Variants in ANKRD30B observed in about 807,000 individuals in gnomAD.
ANKRD30B encodes the protein ankyrin repeat domain-containing protein 30B.
A neutral mutation model predicts 202.2 loss-of-function variants in ANKRD30B; 144 were observed. That is an observed-to-expected ratio of 0.71 (90% confidence interval 0.62 to 0.82). ANKRD30B has a LOEUF of 0.82. ANKRD30B is among the 40% of genes least tolerant of loss of function. The probability of loss-of-function intolerance (pLI) is 0.00; values close to 1 mark genes in which losing one functional copy is unlikely to be tolerated. For missense variants in ANKRD30B, 1,487 were observed against 1,669.1 expected, an observed-to-expected ratio of 0.89 and a Z score of 1.90; for synonymous variants, 508 against 561.3, an observed-to-expected ratio of 0.91 and a Z score of 1.34.
At chr18:14,826,689 T>TCACA (rs1324783952) in intron 32 of ANKRD30B, among the ~76,000 whole-genome samples, 9 of 22,628 alleles carry the variant, frequency 4.0e-4, no homozygotes, top group South Asian at 6.5e-3. Flanking sequence ...TCTCTCTCTC[T>TCACA]CTCTCACACA....
chr18:14,879,786 G>C, the ANKRD30B span, among the ~76,000 whole-genome samples: 1 of 151,070 alleles, frequency 6.6e-6, no homozygotes, highest in Non-Finnish European at 1.5e-5. Context: ...AGGGTCAGGG[G>C]TTAAGGGTCA....
Position 14,791,842 on chromosome 18 carries a change from G to A in ANKRD30B, c.1825+351G>A, listed in dbSNP as rs998234541. Among the ~76,000 whole-genome samples, 39 of 152,074 alleles carry A rather than the reference G, an allele frequency of 2.6e-4. 1 individual carries two copies. Among genetic ancestry groups the A allele is most frequent in the Admixed American group, 2.5e-3 (38 of 15,260 alleles). Reference sequence around the variant, plus strand: ...GAGGCAGGTTTATATAATGGAGGATGGTAAAATGAAATGATTCTTTAGGAA... The same window carrying A: ...GAGGCAGGTTTATATAATGGAGGATAGTAAAATGAAATGATTCTTTAGGAA... On this transcript the variant is annotated intron_variant, in intron 16 of 43. Transcript: ENST00000690538.
intron 7 of ANKRD30B, among the ~76,000 whole-genome samples, chr18:14,765,610 AT>A (rs1916001590): frequency 1.3e-5 from 2 of 152,366 alleles, no homozygotes; most frequent in South Asian, 4.1e-4. Context: ...AAAACTATGT[AT>A]AAAAAACCAT....
chr18:14,898,907 G>T, the ANKRD30B span, among the ~76,000 whole-genome samples: 1 of 152,092 alleles, frequency 6.6e-6, no homozygotes, highest in Non-Finnish European at 1.5e-5. Flanking sequence ...TTCTCATACA[G>T]TATGAATTCC....
At chr18:14,776,969 CAT>C (rs1967395327) in intron 9 of ANKRD30B, among the ~76,000 whole-genome samples, 1 of 152,160 alleles carries the variant, frequency 6.6e-6, no homozygotes, top group Non-Finnish European at 1.5e-5. Context: ...TCATGCCATG[CAT>C]AGTTTTTAAC....
At chr18:14,808,340 T>A in intron 24 of ANKRD30B, 2 of 589,192 alleles carry the variant, frequency 3.4e-6, no homozygotes, top group Non-Finnish European at 6.3e-6. Context: ...TCATAGCACG[T>A]TTGATGAAAT....
At chr18:14,867,534 A>G in the ANKRD30B span, among the ~76,000 whole-genome samples, 2 of 152,104 alleles carry the variant, frequency 1.3e-5, no homozygotes, top group African/African-American at 4.8e-5. Flanking sequence ...CTTCGCACCC[A>G]CCATGGTTAC....
intron 12 of ANKRD30B, among the ~76,000 whole-genome samples, chr18:14,783,720 T>C (rs1350964502): frequency 6.6e-6 from 1 of 152,158 alleles, no homozygotes; most frequent in Non-Finnish European, 1.5e-5. Flanking sequence ...TTATAAATTA[T>C]TTCCATGATG....
At chr18:14,938,956 C>T in the ANKRD30B span, among the ~76,000 whole-genome samples, 1 of 152,128 alleles carries the variant, frequency 6.6e-6, no homozygotes, top group African/African-American at 2.4e-5. Flanking sequence ...ACAGAGGGAC[C>T]CCTCTAGAGG....
chr18:14,831,535 G>A lies in ANKRD30B; in HGVS notation c.2847+80G>A. 9.5e-6 allele frequency: 6 copies of A among 629,134 alleles called. No individual in the cohort carries two copies. In the South Asian group the frequency reaches 1.4e-4, roughly 15 times the overall value. The allele number at this position is 629,134 out of a possible 1,614,324, so 39.0% of individuals were successfully genotyped here. A position where few individuals can be genotyped will look rare whatever the true frequency, so the allele number is the denominator to read the frequency against. On this transcript the variant is annotated intron_variant, in intron 34 of 43. Coordinates refer to ENST00000690538, the MANE Select transcript of ANKRD30B (RefSeq NM_001367607.2). ...GTATTTACTTTTCATGTTTAGCAGT[G>A]GTGTATGTATCATAATTTCATGTTG...
chr18:14,858,469 A>T, downstream of ANKRD30B, among the ~76,000 whole-genome samples: 1 of 75,028 alleles, frequency 1.3e-5, no homozygotes, highest in South Asian at 5.0e-4. Flanking sequence ...ATGGGCAGCC[A>T]GGCAGAGGCA....
At chr18:14,842,530 C>T (rs2747367) in intron 37 of ANKRD30B, among the ~76,000 whole-genome samples, 1 of 151,520 alleles carries the variant, frequency 6.6e-6, no homozygotes, top group African/African-American at 2.4e-5. Context: ...GAATATATGG[C>T]GTAGGATTCT....
intron 18 of ANKRD30B, among the ~76,000 whole-genome samples, chr18:14,797,022 A>G (rs1446231460): frequency 6.6e-6 from 1 of 152,230 alleles, no homozygotes; most frequent in South Asian, 2.1e-4. Context: ...TTAGCAAGAT[A>G]TTAATCAGCA....
chr18:14,911,122 T>C, the ANKRD30B span, among the ~76,000 whole-genome samples: 1 of 152,194 alleles, frequency 6.6e-6, no homozygotes, highest in Non-Finnish European at 1.5e-5. Context: ...CTTTTTAGTT[T>C]AATTAAGTTT....
chr18:14,807,720 C>T (rs1293554164), intron 24 of ANKRD30B, among the ~76,000 whole-genome samples: 1 of 149,870 alleles, frequency 6.7e-6, no homozygotes, highest in African/African-American at 2.5e-5. Context: ...TTTGTGGAGA[C>T]AGGGTTTCGC....
chr18:14,868,211 G>T, the ANKRD30B span, among the ~76,000 whole-genome samples: 2 of 152,296 alleles, frequency 1.3e-5, no homozygotes, highest in South Asian at 2.1e-4. Context: ...GGGAGTAGGA[G>T]GGCTTTGGGG....
At chr18:14,774,723 A>T (rs1967241684) in intron 9 of ANKRD30B, among the ~76,000 whole-genome samples, 1 of 152,122 alleles carries the variant, frequency 6.6e-6, no homozygotes, top group Admixed American at 6.5e-5. Flanking sequence ...TTAGGAAGAG[A>T]TATTGCAAAA....
the ANKRD30B span, among the ~76,000 whole-genome samples, chr18:14,924,021 A>G: frequency 2.0e-5 from 3 of 152,126 alleles, no homozygotes; most frequent in African/African-American, 7.2e-5. Context: ...TATATGTCTC[A>G]TCTTCTCACC....
intron 30 of ANKRD30B, among the ~76,000 whole-genome samples, chr18:14,815,470 A>G (rs1480900645): frequency 6.6e-6 from 1 of 152,152 alleles, no homozygotes; most frequent in African/African-American, 2.4e-5. Context: ...CTGAGTAGCA[A>G]GAGGAGAGGC....
Sources: allele counts gnomAD v4.1 joint callset (sites outside exome capture counted in the v4.1 genomes callset), GRCh38; gene constraint gnomAD v4.1.1; transcripts MANE v1.5; gene names NCBI Gene and HGNC (gene_info 2026-07-23, HGNC 2026-07-21).